MUC5AC: variants seen among roughly 807,000 people sequenced by gnomAD.
MUC5AC encodes mucin-5AC.
In MUC5AC, 158 loss-of-function variants were observed where a neutral mutation model predicts 169.7. That is an observed-to-expected ratio of 0.93 (90% CI 0.82 to 1.06). The LOEUF (loss-of-function observed/expected upper bound fraction) is 1.06. MUC5AC is among the 50% of genes least tolerant of loss of function. The pLI, the probability that MUC5AC is intolerant of heterozygous loss-of-function variation, is 0.00. For synonymous variants in MUC5AC, 1,975 were observed against 1,237.0 expected, an observed-to-expected ratio of 1.60 and a Z score of -12.52; for missense variants, 4,359 against 3,089.9, an observed-to-expected ratio of 1.41 and a Z score of -9.74.
In MUC5AC at chr11:1,190,714, C is replaced by A; in HGVS notation, c.12569C>A (p.Thr4190Lys). Residue 4190 changes from threonine to lysine, a missense_variant, in exon 31 of 49, where the codon ACA (threonine) becomes AAA (lysine). Transcript: ENST00000621226. ...ASTTSTISAPTTSTISSPTSS... is the reference protein window; with the variant it reads ...ASTTSTISAPKTSTISSPTSS... ...ACAACCAGCACAATCTCTGCCCCTA[C>A]AACCAGCACAATCTCTTCCCCTACA... is the stretch of plus-strand genomic sequence containing the variant. The A allele has an allele frequency of 1.4e-6, 1 of 699,698 alleles. No homozygotes were observed. The allele number at this position is 699,698 out of a possible 1,614,324, so 43.3% of individuals were successfully genotyped here.
chr11:1,187,527 C>A lies in MUC5AC; in HGVS notation c.9382C>A (p.Pro3128Thr). The change falls in exon 31 of 49, where the codon CCT (proline) becomes ACT (threonine). Residue 3128 changes from proline to threonine, a missense_variant. Pro to Thr is a conservative substitution (Grantham distance 38). Transcript: ENST00000621226. ...TCTTGGAACTACTCCCAGCCCTATT[C>A]CTACCACCAGCACAACCTCTCCTCC... Reference protein sequence around the residue: ...SGLGTTPSPIPTTSTTSPPTT... With the variant: ...SGLGTTPSPITTTSTTSPPTT... The A allele has an allele frequency of 1.3e-6, 1 of 748,000 alleles. No homozygotes were observed. Among genetic ancestry groups the A allele is most frequent in the Non-Finnish European group, 2.4e-6 (1 of 409,602 alleles). 46.3% of individuals were successfully genotyped at this position (748,000 alleles called of 1,614,324 possible).
At chr11:1,171,764 TCACTCACC>T (rs1860550909) in intron 15 of MUC5AC, among the ~76,000 whole-genome samples, 1 of 109,930 alleles carries the variant, frequency 9.1e-6, no homozygotes, top group Admixed American at 9.4e-5. Context: ...CACTCAACAC[TCACTCACC>T]CACTCACCCA....
In MUC5AC at chr11:1,192,242, G is replaced by A. The variant is rs768635532; in HGVS notation, c.14097G>A (p.Glu4699=). The A allele has an allele frequency of 6.3e-4, 484 of 764,968 alleles. 1 individual carries two copies. Among genetic ancestry groups the A allele is most frequent in the Non-Finnish European group, 9.6e-4 (401 of 417,912 alleles). The allele number at this position is 764,968 out of a possible 1,614,324, so 47.4% of individuals were successfully genotyped here. A position where few individuals can be genotyped will look rare whatever the true frequency, so the allele number is the denominator to read the frequency against. The change falls in exon 31 of 49, where the codon GAG becomes GAA. Residue 4699 remains glutamate (E), a synonymous_variant. Coordinates refer to ENST00000621226, the MANE Select transcript of MUC5AC (RefSeq NM_001304359.2). ...AGGTGGTGCAGTGCAGCCGTGAAGA[G>A]GGCCTGGTGTGCCGGAACCAGGACC... ...LGQVVQCSRE[E]GLVCRNQDQQ...
At position 1,197,943 on chromosome 11, in the gene MUC5AC, T is replaced by C. The variant is rs755677354; in HGVS notation, c.16074T>C (p.Pro5358=). The part of the protein sequence containing the change: ...TSRCPAPVGC[P]EGARAIPTYQ... ...GCTGCCCCGCGCCCGTGGGCTGTCC[T>C]GAGGGCGCCCGCGCGATCCCGACCT... The change falls in exon 42 of 49, where the codon CCT becomes CCC. Residue 5358 remains proline, a synonymous_variant. Transcript: ENST00000621226. 4.1e-6 allele frequency: 3 copies of C among 737,128 alleles called. No individual in the cohort carries two copies. The highest frequency in any genetic ancestry group is 7.4e-6 in the Non-Finnish European group (3 of 405,860). 45.7% of individuals were successfully genotyped at this position (737,128 alleles called of 1,614,324 possible). A position where few individuals can be genotyped will look rare whatever the true frequency, so the allele number is the denominator to read the frequency against.
chr11:1,189,819 A>G lies in MUC5AC; in HGVS notation c.11674A>G (p.Thr3892Ala). 1 of 743,544 alleles carries G rather than the reference A, an allele frequency of 1.3e-6. No individual in the cohort carries two copies. Among genetic ancestry groups the G allele is most frequent in the Non-Finnish European group, 2.5e-6 (1 of 406,108 alleles). The allele number at this position is 743,544 out of a possible 1,614,324, so 46.1% of individuals were successfully genotyped here. Residue 3892 changes from threonine to alanine, a missense_variant, in exon 31 of 49, where the codon ACA (threonine) becomes GCA (alanine). By Grantham distance (58) the Thr-to-Ala change is moderately conservative (BLOSUM62 0). Coordinates refer to ENST00000621226, the MANE Select transcript of MUC5AC (RefSeq NM_001304359.2). Reference protein sequence around the residue: ...FHTTSTTSPPTSSTSSTPQTS... With the variant: ...FHTTSTTSPPASSTSSTPQTS... ...TACAACCAGCACAACCTCTCCCCCT[A>G]CAAGCAGCACAAGCTCCACTCCACA...
Position 1,190,478 on chromosome 11 carries a change from C to A in MUC5AC, c.12333C>A (p.Thr4111=), listed in dbSNP as rs1391235334. ...CCAGCACAACCTCTGCCCCTACAAC[C>A]AGCACAATCCCTGCTTCTACACCCA... ...PQTSTTSAPT[T]STIPASTPST... The change falls in exon 31 of 49, where the codon ACC becomes ACA. Residue 4111 remains threonine (T), a synonymous_variant. Transcript: ENST00000621226. The A allele has an allele frequency of 2.9e-6, 2 of 699,862 alleles. No individual in the cohort carries two copies. Among genetic ancestry groups the A allele is most frequent in the East Asian group, 5.4e-5 (2 of 37,346 alleles). The allele number at this position is 699,862 out of a possible 1,614,324, so 43.4% of individuals were successfully genotyped here.
intron 33 of MUC5AC, 105 bp from the exon 34 acceptor site, chr11:1,194,003 TGA>T: frequency 1.5e-6 from 1 of 687,924 alleles, no homozygotes; most frequent in Admixed American, 1.9e-5. Flanking sequence ...CCCTGTGAGA[TGA>T]GACGGTGGGG....
Position 1,168,532 on chromosome 11 carries a change from C to A in MUC5AC, c.1547C>A (p.Thr516Asn). 1 of 1,612,606 alleles carries A rather than the reference C, an allele frequency of 6.2e-7. No homozygotes were observed. The highest frequency in any genetic ancestry group is 8.5e-7 in the Non-Finnish European group (1 of 1,179,828). ...GAAGTGTTCCTGAACCAGATCTACA[C>A]CCAGCTGCCCATCTCTGCAGGTGAG... is the stretch of plus-strand genomic sequence containing the variant. ...SGEVFLNQIY[T>N]QLPISAANVT... The change falls in exon 13 of 49, where the codon ACC becomes AAC. Residue 516 changes from threonine to asparagine, a missense_variant. Physicochemically the swap from Thr to Asn is moderately conservative, Grantham distance 65. Coordinates refer to ENST00000621226, the MANE Select transcript of MUC5AC (RefSeq NM_001304359.2).
At chr11:1,177,750 A>C in intron 24 of MUC5AC, 117 bp downstream of exon 24, 58 of 356,888 alleles carry the variant, frequency 1.6e-4, no homozygotes, top group Middle Eastern at 1.5e-3. Flanking sequence ...CAGAGATGGA[A>C]GCGGGGTGGG....
rs1431635044 is a variant in MUC5AC at position 1,182,818 on chromosome 11, C to G, written c.4673C>G (p.Pro1558Arg). 1 of 397,930 alleles carries G rather than the reference C, an allele frequency of 2.5e-6. No individual in the cohort carries two copies. Among genetic ancestry groups the G allele is most frequent in the Admixed American group, 4.4e-5 (1 of 22,686 alleles). 24.6% of individuals were successfully genotyped at this position (397,930 alleles called of 1,614,324 possible). The stretch of plus-strand genomic sequence containing the variant: ...ACATCATCCATGTCGACCACGGCCC[C>G]GGGGACCTCTGTGGTCTCCAGCAAG... ...TSTSSMSTTA[P>R]GTSVVSSKPT... The change falls in exon 31 of 49, where the codon CCG (proline) becomes CGG (arginine). Residue 1558 changes from proline (P) to arginine (R), a missense_variant. Transcript: ENST00000621226.
intron 15 of MUC5AC, among the ~76,000 whole-genome samples, chr11:1,169,308 G>A (rs1190266524): frequency 1.3e-5 from 2 of 152,044 alleles, no homozygotes; most frequent in Non-Finnish European, 2.9e-5. Flanking sequence ...GGAGTGGTGG[G>A]GACGTGGGGA....
At chr11:1,161,626 GC>G (rs1199749846) in intron 3 of MUC5AC, 40 bp downstream of exon 3, 21 of 1,579,826 alleles carry the variant, frequency 1.3e-5, no homozygotes, top group Non-Finnish European at 1.6e-5. Flanking sequence ...AAGGGTCATA[GC>G]TTTGCTGAGC....
Position 1,178,571 on chromosome 11 carries a change from C to T in MUC5AC, c.3215C>T (p.Pro1072Leu), listed in dbSNP as rs1343540456. ...GNSWKLSPSC[P>L]DALAPKDPCT... is the part of the protein sequence containing the mutation. ...AGCTGGAAGCTCTCCCCCTCCTGCC[C>T]AGATGCCCTGGCGCCCAAGGACCCC... Residue 1072 changes from proline to leucine, a missense_variant, in exon 25 of 49, where the codon CCA (proline) becomes CTA (leucine). Coordinates refer to ENST00000621226, the MANE Select transcript of MUC5AC (RefSeq NM_001304359.2). 6 of 1,406,058 alleles carry T rather than the reference C, an allele frequency of 4.3e-6. No homozygotes were observed. The Admixed American group carries it at 1.5e-4, about 36-fold the overall frequency. 87.1% of individuals were successfully genotyped at this position (1,406,058 alleles called of 1,614,324 possible). A position where few individuals can be genotyped will look rare whatever the true frequency, so the allele number is the denominator to read the frequency against.
chr11:1,198,481 C>T (rs1358635437), intron 43 of MUC5AC, among the ~76,000 whole-genome samples, 176 bp downstream of exon 43: 10 of 150,956 alleles, frequency 6.6e-5, no homozygotes, highest in East Asian at 2.0e-4. Context: ...CCCCAGGTCC[C>T]GGAAATATGG....
chr11:1,161,083 G>T (rs1186599920), intron 2 of MUC5AC, among the ~76,000 whole-genome samples: 1 of 152,232 alleles, frequency 6.6e-6, no homozygotes, highest in African/African-American at 2.4e-5. Context: ...GTGCTAGCGG[G>T]AGCCCGTGGA....
chr11:1,196,686 C>T lies in MUC5AC; in HGVS notation c.15795C>T (p.Thr5265=). The change falls in exon 39 of 49, where the codon ACC becomes ACT. Residue 5265 remains threonine (T), a synonymous_variant. Transcript: ENST00000621226. ...CGGAGGGCATGACCCTCTTCAGCAC[C>T]AGTGCCCAAGTCTGCGTGCCCACGG... ...FCPEGMTLFS[T]SAQVCVPTGC... 1.3e-6 allele frequency: 1 copy of T among 761,720 alleles called. No individual in the cohort carries two copies. Among genetic ancestry groups the T allele is most frequent in the Non-Finnish European group, 2.4e-6 (1 of 416,570 alleles). 47.2% of individuals were successfully genotyped at this position (761,720 alleles called of 1,614,324 possible).
rs1453435891 is a variant in MUC5AC, at chr11:1,188,611, T to A, written c.10466T>A (p.Val3489Asp). ...TSGSGTTPSP[V>D]TTTSTASVSK... ...GGTTCTGGAACTACTCCCAGCCCTG[T>A]TACCACCACCAGCACAGCCTCTGTT... is the stretch of plus-strand genomic sequence containing the variant. The change falls in exon 31 of 49, where the codon GTT (valine) becomes GAT (aspartate). Residue 3489 changes from valine (V) to aspartate (D), a missense_variant. Val to Asp is a radical substitution (Grantham distance 152). Coordinates refer to ENST00000621226, the MANE Select transcript of MUC5AC (RefSeq NM_001304359.2). 1.3e-6 allele frequency: 1 copy of A among 764,840 alleles called. No homozygotes were observed. The highest frequency in any genetic ancestry group is 2.4e-6 in the Non-Finnish European group (1 of 417,794). The allele number at this position is 764,840 out of a possible 1,614,324, so 47.4% of individuals were successfully genotyped here.
chr11:1,178,649 T>G lies in MUC5AC; in HGVS notation c.3293T>G (p.Leu1098Arg). 7.4e-7 allele frequency: 1 copy of G among 1,346,818 alleles called. No individual in the cohort carries two copies. 83.4% of individuals were successfully genotyped at this position (1,346,818 alleles called of 1,614,324 possible). The change falls in exon 25 of 49, where the codon CTC (leucine) becomes CGC (arginine). Residue 1098 changes from leucine to arginine, a missense_variant. By Grantham distance (102) the Leu-to-Arg change is moderately radical. Transcript: ENST00000621226. ...KSWAQKQCSI[L>R]HGPTFAACHA... ...TGGGCCCAGAAGCAGTGCAGCATCCTCCACGGCCCCACCTTCGCCGCCTGC... is the reference window on the plus strand; with the variant it reads ...TGGGCCCAGAAGCAGTGCAGCATCCGCCACGGCCCCACCTTCGCCGCCTGC...
rs1428605750 is a variant in MUC5AC, at chr11:1,180,116, T to C, written c.3579T>C (p.Arg1193=). Residue 1193 remains arginine (R), a synonymous_variant, in exon 27 of 49, where the codon CGT becomes CGC. Transcript: ENST00000621226. ...GCCTGCGCACCTGCCGGAACCCCCG[T>C]GGAGACTGCCTGCGGGACGTCCGGG... ...VPCLRTCRNP[R]GDCLRDVRGL... 3 of 398,840 alleles carry C rather than the reference T, an allele frequency of 7.5e-6. No individual in the cohort carries two copies. The highest frequency in any genetic ancestry group is 8.8e-6 in the Non-Finnish European group (2 of 226,210). 24.7% of individuals were successfully genotyped at this position (398,840 alleles called of 1,614,324 possible).
Sources: allele counts gnomAD v4.1 joint callset (sites outside exome capture counted in the v4.1 genomes callset), GRCh38; gene constraint gnomAD v4.1.1; transcripts MANE v1.5; gene names NCBI Gene and HGNC (gene_info 2026-07-23, HGNC 2026-07-21).